Variants in MAMDC2 observed in about 807,000 individuals in gnomAD.
MAMDC2 encodes the protein MAM domain containing 2, also known as MAM domain-containing protein 2.
Under a neutral mutation model 89.8 loss-of-function variants are expected in MAMDC2, and 57 were observed. The observed-to-expected ratio is 0.63, with a 90% CI of 0.51 to 0.79. The LOEUF (loss-of-function observed/expected upper bound fraction) is 0.79, where lower values mean the gene tolerates loss of function less well. Ranked by LOEUF, MAMDC2 falls within the 30% of genes least tolerant of loss-of-function variation. The probability of loss-of-function intolerance (pLI) is 0.00; values close to 1 mark genes in which losing one functional copy is unlikely to be tolerated. For synonymous variants in MAMDC2, 313 were observed against 293.4 expected (o/e 1.07, Z -0.68); for missense variants, 800 against 820.6 (o/e 0.97, Z 0.31).
At chr9:70,044,725 G>A in intron 2 of MAMDC2, 28 bp downstream of exon 2, 2 of 1,484,784 alleles carry the variant, frequency 1.3e-6, no homozygotes, top group South Asian at 1.2e-5. Flanking sequence ...AGAGGGGCGC[G>A]AAGTGAACTT....
At chr9:70,146,730 C>T (rs1346028983) in intron 9 of MAMDC2, among the ~76,000 whole-genome samples, 1 of 151,928 alleles carries the variant, frequency 6.6e-6, no homozygotes, top group Non-Finnish European at 1.5e-5. Context: ...GTCAGGAGTT[C>T]GAGACCAGCC....
At chr9:70,190,343 T>A (rs1266634820) in intron 11 of MAMDC2, among the ~76,000 whole-genome samples, 1 of 152,216 alleles carries the variant, frequency 6.6e-6, no homozygotes, top group Non-Finnish European at 1.5e-5. Context: ...TGTATGGCTC[T>A]GCTCTGTTAG....
At position 70,218,362 on chromosome 9, in the gene MAMDC2, C is replaced by T; in HGVS notation, c.1677C>T (p.Ser559=). ...GVGYYMYIEA[S]HMVYGQKARL... ...GCTACTACATGTACATTGAGGCCTCCCATATGGTGTATGGACAAAAAGCAC... is the reference window on the plus strand; with the variant it reads ...GCTACTACATGTACATTGAGGCCTCTCATATGGTGTATGGACAAAAAGCAC... Residue 559 remains serine, a synonymous_variant, in exon 12 of 14, where the codon TCC becomes TCT. Coordinates refer to ENST00000377182, the MANE Select transcript of MAMDC2 (RefSeq NM_153267.5). 6.2e-7 allele frequency: 1 copy of T among 1,614,094 alleles called. No individual in the cohort carries two copies. Among genetic ancestry groups the T allele is most frequent in the Non-Finnish European group, 8.5e-7 (1 of 1,180,002 alleles).
In MAMDC2 at chr9:70,058,675, G is replaced by T. The variant is rs188423546; in HGVS notation, c.148+13978G>T. Among the ~76,000 whole-genome samples the T allele has an allele frequency of 8.9e-4, 136 of 152,258 alleles. 1 individual carries two copies. The highest frequency in any genetic ancestry group is 3.1e-3 in the African/African-American group (129 of 41,550). On this transcript the variant is annotated intron_variant, in intron 2 of 13. Transcript: ENST00000377182. ...TGGCTCCTGCCTGCCTTCTGTGAGGGATACAGCAATTGCAACGTTCATTTA... is the reference window on the plus strand; with the variant it reads ...TGGCTCCTGCCTGCCTTCTGTGAGGTATACAGCAATTGCAACGTTCATTTA...
intron 2 of MAMDC2, among the ~76,000 whole-genome samples, chr9:70,065,113 C>G (rs372250550): frequency 6.6e-6 from 1 of 152,118 alleles, no homozygotes; most frequent in Admixed American, 6.5e-5. Context: ...ACTAGAGAAA[C>G]GACTAACAGG....
intron 11 of MAMDC2, among the ~76,000 whole-genome samples, chr9:70,216,720 C>T (rs541109012): frequency 7.4e-4 from 112 of 152,282 alleles, no homozygotes; most frequent in African/African-American, 2.6e-3. Flanking sequence ...AGGTTAATAC[C>T]TACTAGTGAA....
chr9:70,194,558 G>C (rs1458514692), intron 11 of MAMDC2: 1 of 152,080 alleles, frequency 6.6e-6, no homozygotes, highest in African/African-American at 2.4e-5. Flanking sequence ...CTCCAAAACT[G>C]TAAGAAATAA....
intron 9 of MAMDC2, among the ~76,000 whole-genome samples, chr9:70,166,308 T>TATATACACACACACACACACACACAC (rs1383465472): frequency 7.5e-6 from 1 of 132,926 alleles, no homozygotes; most frequent in South Asian, 2.3e-4. Context: ...CACACACATA[T>TATATACACACACACACACACACACAC]ATATATATAC....
In MAMDC2 at chr9:70,166,910, T is replaced by C. The variant is rs180976314; in HGVS notation, c.1405-1792T>C. On this transcript the variant is annotated intron_variant, in intron 9 of 13. Coordinates refer to ENST00000377182, the MANE Select transcript of MAMDC2 (RefSeq NM_153267.5). ...AAAATAAAGCCAAGACTCTTCTGTC[T>C]GCACCACAATTAATTCAGTAAATTA... 3.6e-3 allele frequency among the ~76,000 whole-genome samples: 550 copies of C among 152,290 alleles called. 3 individuals are homozygous for C. The highest frequency in any genetic ancestry group is 0.012 in the African/African-American group (492 of 41,558).
intron 9 of MAMDC2, among the ~76,000 whole-genome samples, chr9:70,149,802 C>G (rs1253013516): frequency 6.6e-6 from 1 of 151,976 alleles, no homozygotes; most frequent in South Asian, 2.1e-4. Context: ...ACAATAAAAG[C>G]AAAAAAGAAG....
intron 11 of MAMDC2, among the ~76,000 whole-genome samples, chr9:70,190,093 G>C (rs1160588885): frequency 6.6e-6 from 1 of 152,038 alleles, no homozygotes; most frequent in Non-Finnish European, 1.5e-5. Context: ...GACTTCCTCA[G>C]GGATAACTTC....
chr9:70,153,138 G>T (rs553512288), intron 9 of MAMDC2: 1 of 152,244 alleles, frequency 6.6e-6, no homozygotes, highest in African/African-American at 2.4e-5. Flanking sequence ...ATTATAAACA[G>T]TTTACAATAA....
intron 9 of MAMDC2, among the ~76,000 whole-genome samples, chr9:70,156,929 G>A (rs183118275): frequency 4.6e-5 from 7 of 152,300 alleles, no homozygotes; most frequent in East Asian, 1.9e-4. Flanking sequence ...GGTAGTTGCT[G>A]ACACATACTT....
intron 11 of MAMDC2, among the ~76,000 whole-genome samples, chr9:70,198,197 C>CAT (rs1400926033): frequency 0.055 from 8,182 of 148,726 alleles, 275 homozygotes; most frequent in African/African-American, 0.079. Flanking sequence ...CACACACACA[C>CAT]AATATATAAT....
At chr9:70,093,310 A>C (rs1195819994) in intron 2 of MAMDC2, among the ~76,000 whole-genome samples, 1 of 152,228 alleles carries the variant, frequency 6.6e-6, no homozygotes, top group Non-Finnish European at 1.5e-5. Flanking sequence ...ATTTTATGGA[A>C]GGAGAATACC....
At chr9:70,093,865 T>C (rs550705259) in intron 2 of MAMDC2, 2 of 152,362 alleles carry the variant, frequency 1.3e-5, no homozygotes, top group African/African-American at 2.4e-5. Flanking sequence ...CCTTTTCTTA[T>C]ATTTTCATCC....
chr9:70,218,633 C>G (rs200826489), intron 12 of MAMDC2, 37 bp downstream of exon 12: 2 of 1,533,346 alleles, frequency 1.3e-6, no homozygotes, highest in South Asian at 2.6e-5. Flanking sequence ...CAATGGAAAA[C>G]GTGTAGGAGC....
At chr9:70,047,208 T>G (rs1007947751) in intron 2 of MAMDC2, among the ~76,000 whole-genome samples, 1 of 152,090 alleles carries the variant, frequency 6.6e-6, no homozygotes, top group African/African-American at 2.4e-5. Context: ...TTTTTTTTCT[T>G]TAAGTTCTGG....
chr9:70,144,917 TTTAGTC>T (rs1217838332), intron 9 of MAMDC2, among the ~76,000 whole-genome samples: 1 of 152,214 alleles, frequency 6.6e-6, no homozygotes, highest in Non-Finnish European at 1.5e-5. Context: ...CCTGGTTACT[TTTAGTC>T]CATTACAAAA....
Sources: allele counts gnomAD v4.1 joint callset (sites outside exome capture counted in the v4.1 genomes callset), GRCh38; gene constraint gnomAD v4.1.1; transcripts MANE v1.5; gene names NCBI Gene and HGNC (gene_info 2026-07-23, HGNC 2026-07-21).